MAN1A2: variants seen among roughly 807,000 people sequenced by gnomAD.
MAN1A2 encodes the protein mannosyl-oligosaccharide 1,2-alpha-mannosidase IB.
Under a neutral mutation model 75.7 loss-of-function variants are expected in MAN1A2, and 26 were observed. The ratio of observed to expected loss-of-function variants is 0.34; its 90% CI spans 0.25 to 0.48. The LOEUF is 0.48. Ranked by LOEUF, MAN1A2 falls within the 20% of genes least tolerant of loss-of-function variation. The pLI, the probability that MAN1A2 is intolerant of heterozygous loss-of-function variation, is 0.99. For missense variants in MAN1A2, 562 were observed against 775.5 expected, an observed-to-expected ratio of 0.72 and a Z score of 3.27; for synonymous variants, 247 against 264.6, an observed-to-expected ratio of 0.93 and a Z score of 0.65.
intron 1 of MAN1A2, among the ~76,000 whole-genome samples, chr1:117,397,734 C>T (rs574919875): frequency 1.4e-5 from 2 of 145,526 alleles, no homozygotes; most frequent in East Asian, 2.1e-4. Context: ...TTAGTGAAAC[C>T]TCCGCCTCCC....
chr1:117,425,127 G>A (rs1416798779), intron 5 of MAN1A2, among the ~76,000 whole-genome samples: 1 of 134,766 alleles, frequency 7.4e-6, no homozygotes, highest in Non-Finnish European at 1.6e-5. Context: ...GGGAAAGGGG[G>A]AAGGAAGGGG....
At chr1:117,401,228 T>C (rs1647415222) in intron 1 of MAN1A2, among the ~76,000 whole-genome samples, 1 of 152,026 alleles carries the variant, frequency 6.6e-6, no homozygotes, top group Non-Finnish European at 1.5e-5. Flanking sequence ...GATTCTATGA[T>C]AGTTACATCT....
intron 12 of MAN1A2, among the ~76,000 whole-genome samples, chr1:117,518,140 C>T (rs549063931): frequency 6.6e-6 from 1 of 151,818 alleles, no homozygotes; most frequent in South Asian, 2.1e-4. Flanking sequence ...AGACAAAAAC[C>T]TATTATAAAG....
intron 3 of MAN1A2, among the ~76,000 whole-genome samples, chr1:117,414,405 C>T (rs1005986855): frequency 3.3e-5 from 5 of 150,826 alleles, no homozygotes; most frequent in Non-Finnish European, 7.4e-5. Flanking sequence ...CATATTCTGA[C>T]GAGGCAGAAA....
Position 117,377,882 on chromosome 1 carries a change from C to T in MAN1A2, c.302+9397C>T, listed in dbSNP as rs10923277. Among the ~76,000 whole-genome samples, 582 of 152,140 alleles carry T rather than the reference C, an allele frequency of 3.8e-3. 6 individuals are homozygous for T. Among genetic ancestry groups the T allele is most frequent in the African/African-American group, 0.013 (552 of 41,506 alleles). On this transcript the variant is annotated intron_variant, in intron 1 of 12. Transcript: ENST00000356554. ...TTGGGAGGCCGAGGCGGGTGGATCACGAGGTCAGGTGATTGAGACCATCCT... is the reference window on the plus strand; with the variant it reads ...TTGGGAGGCCGAGGCGGGTGGATCATGAGGTCAGGTGATTGAGACCATCCT...
intron 1 of MAN1A2, among the ~76,000 whole-genome samples, chr1:117,376,439 TA>T (rs1351972298): frequency 2.6e-5 from 4 of 152,246 alleles, no homozygotes; most frequent in African/African-American, 9.6e-5. Flanking sequence ...GTGAAAGGTC[TA>T]ATTACCCTGC....
chr1:117,420,145 TAAA>T (rs1247279766), intron 4 of MAN1A2, among the ~76,000 whole-genome samples: 14 of 152,004 alleles, frequency 9.2e-5, no homozygotes, highest in African/African-American at 3.4e-4. Flanking sequence ...GAAAAATACT[TAAA>T]ATCCAGGAGG....
At chr1:117,404,134 T>A (rs531238889) in intron 2 of MAN1A2, among the ~76,000 whole-genome samples, 1 of 152,326 alleles carries the variant, frequency 6.6e-6, no homozygotes, top group East Asian at 1.9e-4. Context: ...TGTCGTGGTA[T>A]GGTATCTGTC....
At chr1:117,517,238 T>C (rs571645081) in intron 12 of MAN1A2, among the ~76,000 whole-genome samples, 1 of 152,258 alleles carries the variant, frequency 6.6e-6, no homozygotes, top group African/African-American at 2.4e-5. Context: ...TAAAAATAAC[T>C]ACCACCCAAC....
Position 117,368,475 on chromosome 1 carries a change from C to G in MAN1A2, c.292C>G (p.His98Asp). The change falls in exon 1 of 13, where the codon CAT becomes GAT. Residue 98 changes from histidine (H) to aspartate (D), a missense_variant. Physicochemically the swap from His to Asp is moderately conservative, Grantham distance 81. Coordinates refer to ENST00000356554, the MANE Select transcript of MAN1A2 (RefSeq NM_006699.5). ...CTTCCTGATCCATGGACCCGATGAA[C>G]ATAGACACAGGTTTGTTTATTTCAG... Reference protein sequence around the residue: ...GVFLIHGPDEHRHREEEERLR... With the variant: ...GVFLIHGPDEDRHREEEERLR... The G allele has an allele frequency of 6.2e-7, 1 of 1,607,760 alleles. No individual in the cohort carries two copies. The highest frequency in any genetic ancestry group is 1.1e-5 in the South Asian group (1 of 90,096).
At position 117,499,520 on chromosome 1, in the gene MAN1A2, C is replaced by T; in HGVS notation, c.1643C>T (p.Pro548Leu). ...YWYLWRFTHD[P>L]RYRQWGWEAA... ...TACCTATGGCGATTCACTCACGATCCAAGATACAGGCAGTGGGGCTGGGAA... is the reference window on the plus strand; with the variant it reads ...TACCTATGGCGATTCACTCACGATCTAAGATACAGGCAGTGGGGCTGGGAA... The change falls in exon 11 of 13, where the codon CCA (proline) becomes CTA (leucine). Residue 548 changes from proline (P) to leucine (L), a missense_variant. Around this residue, in one of 2 missense-constraint regions of MAN1A2, gnomAD observed 434 missense variants for 645.7 expected, o/e 0.67. Transcript: ENST00000356554. The T allele has an allele frequency of 3.7e-6, 6 of 1,607,304 alleles. No individual in the cohort carries two copies. Among genetic ancestry groups the T allele is most frequent in the Non-Finnish European group, 5.1e-6 (6 of 1,176,680 alleles).
intron 1 of MAN1A2, among the ~76,000 whole-genome samples, chr1:117,376,190 G>C (rs902655141): frequency 6.6e-6 from 1 of 152,172 alleles, no homozygotes; most frequent in Non-Finnish European, 1.5e-5. Flanking sequence ...GATTACAGGC[G>C]TGAGCCCACT....
chr1:117,510,402 A>AAAG (rs1651500854), intron 12 of MAN1A2, among the ~76,000 whole-genome samples: 1 of 152,044 alleles, frequency 6.6e-6, no homozygotes, highest in Admixed American at 6.6e-5. Flanking sequence ...CTACCTGATA[A>AAAG]TGTGTAGTAA....
intron 12 of MAN1A2, chr1:117,515,309 T>C (rs1426727547): frequency 6.6e-6 from 1 of 152,626 alleles, no homozygotes; most frequent in Non-Finnish European, 1.5e-5. Context: ...GAATATACTA[T>C]ACCATTTTAT....
chr1:117,375,097 G>C (rs1244950408), intron 1 of MAN1A2, among the ~76,000 whole-genome samples: 2 of 152,044 alleles, frequency 1.3e-5, no homozygotes, highest in African/African-American at 2.4e-5. Context: ...TTACAAAATT[G>C]TTTTCAGGTG....
intron 12 of MAN1A2, among the ~76,000 whole-genome samples, chr1:117,518,518 A>C (rs1229398776): frequency 6.6e-6 from 1 of 152,038 alleles, no homozygotes; most frequent in Non-Finnish European, 1.5e-5. Flanking sequence ...AAAAACAGTA[A>C]AGAAGAAAAA....
At position 117,400,874 on chromosome 1, in the gene MAN1A2, A is replaced by AC. The variant is rs1647402703; in HGVS notation, c.303-1310dup. Among the ~76,000 whole-genome samples, 4 of 152,272 alleles carry AC rather than the reference A, an allele frequency of 2.6e-5. No individual in the cohort carries two copies. The South Asian group carries it at 8.3e-4, about 32-fold the overall frequency. ...GCAAAATACAATTAACATAAAATTT[A>AC]CCATCTTAACCATTTTAATGTGTAC... On this transcript the variant is annotated intron_variant, in intron 1 of 12. Transcript: ENST00000356554.
intron 5 of MAN1A2, among the ~76,000 whole-genome samples, chr1:117,437,313 AAG>A (rs1384554986): frequency 2.0e-5 from 3 of 152,230 alleles, no homozygotes; most frequent in African/African-American, 7.2e-5. Flanking sequence ...TTACTTAAAA[AAG>A]AATGACAGCT....
intron 12 of MAN1A2, among the ~76,000 whole-genome samples, 155 bp downstream of exon 12, chr1:117,503,125 A>G (rs12728046): frequency 0.14 from 20,857 of 151,536 alleles, 1,640 homozygotes; most frequent in Admixed American, 0.22. Context: ...CTACATCTCA[A>G]AAAGAATGAC....
Sources: allele counts gnomAD v4.1 joint callset (sites outside exome capture counted in the v4.1 genomes callset), GRCh38; gene constraint gnomAD v4.1.1; regional missense constraint gnomAD v4.1.1; transcripts MANE v1.5; gene names NCBI Gene and HGNC (gene_info 2026-07-23, HGNC 2026-07-21).